The following LARP7 variants were observed in gnomAD, a reference collection of about 807,000 sequenced individuals.
The protein encoded by LARP7 is La ribonucleoprotein 7, transcriptional regulator.
In LARP7, 52 loss-of-function variants were observed where a neutral mutation model predicts 69.3. The observed-to-expected ratio is 0.75, with a 90% confidence interval of 0.60 to 0.95. The LOEUF is 0.95. Among genes scored for constraint, LARP7 ranks in the 40% least tolerant of loss-of-function variants. The pLI is 0.00. For missense variants in LARP7, 733 were observed against 673.0 expected (o/e 1.09, Z -0.99); for synonymous variants, 254 against 215.9 (o/e 1.18, Z -1.55).
At chr4:112,651,310 G>T (rs770872070) in intron 10 of LARP7, among the ~76,000 whole-genome samples, 1 of 152,102 alleles carries the variant, frequency 6.6e-6, no homozygotes, top group African/African-American at 2.4e-5. Context: ...CCATTGAGGT[G>T]GTGGTTTGTT....
chr4:112,647,000 A>C, intron 5 of LARP7, 34 bp from the exon 6 acceptor site: 1 of 1,581,904 alleles, frequency 6.3e-7, no homozygotes, highest in South Asian at 1.2e-5. Context: ...AAAGAAAACA[A>C]GTATTAAAAT....
At chr4:112,652,993 T>A (rs1457210076) in intron 10 of LARP7, 84 bp from the exon 11 acceptor site, 2 of 1,022,036 alleles carry the variant, frequency 2.0e-6, no homozygotes, top group Non-Finnish European at 2.8e-6. Flanking sequence ...ACATAATATA[T>A]TCTGGCATAA....
chr4:112,652,261 C>G (rs1396777188), intron 10 of LARP7, among the ~76,000 whole-genome samples: 1 of 144,824 alleles, frequency 6.9e-6, no homozygotes, highest in Non-Finnish European at 1.5e-5. Context: ...AATTTTAGGT[C>G]AAAACGAAAG....
intron 12 of LARP7, chr4:112,654,422 T>G: frequency 3.4e-6 from 1 of 296,134 alleles, no homozygotes; most frequent in Non-Finnish European, 6.4e-6. Context: ...TTAACAGTCT[T>G]GATATCTGGC....
At chr4:112,648,155 AAT>A (rs1370417202) in intron 8 of LARP7, 1 of 519,094 alleles carries the variant, frequency 1.9e-6, no homozygotes, top group Non-Finnish European at 3.9e-6. Flanking sequence ...TTTCTAAAAA[AAT>A]AATAAAAATG....
In LARP7 at chr4:112,644,581, C is replaced by T. The variant is rs576513581; in HGVS notation, c.-2-87C>T. 2.7e-6 allele frequency: 3 copies of T among 1,108,270 alleles called. No individual in the cohort carries two copies. In the South Asian group the frequency reaches 5.8e-5, roughly 22 times the overall value. 68.7% of individuals were successfully genotyped at this position (1,108,270 alleles called of 1,614,324 possible). On this transcript the variant is annotated intron_variant, in intron 1 of 12. Transcript: ENST00000344442. Reference sequence around the variant, plus strand: ...GCCAAATGTGAGTCCATTATTCTCTCAGACAGTTAAAGGCTAATCTAAATA... The same window carrying T: ...GCCAAATGTGAGTCCATTATTCTCTTAGACAGTTAAAGGCTAATCTAAATA...
At chr4:112,645,250 T>C (rs2048134439) in intron 2 of LARP7, among the ~76,000 whole-genome samples, 2 of 152,080 alleles carry the variant, frequency 1.3e-5, no homozygotes, top group African/African-American at 4.8e-5. Flanking sequence ...CAGCCTAAAA[T>C]AGTATATTCT....
rs983509124 is a variant in LARP7, at chr4:112,646,658, G to A, written c.374G>A (p.Arg125His). 6.2e-6 allele frequency: 10 copies of A among 1,604,946 alleles called. No homozygotes were observed. The highest frequency in any genetic ancestry group is 1.1e-5 in the South Asian group (1 of 89,434). ...LGERPKDEDE[R>H]TVYVELLPKN... ...GAAAGACCAAAGGATGAGGATGAAC[G>A]CACAGTGTATGTGGTAAGCTTAAGA... is the stretch of plus-strand genomic sequence containing the variant. The change falls in exon 4 of 13, where the codon CGC becomes CAC. Residue 125 changes from arginine to histidine, a missense_variant. Arg to His is a conservative substitution (Grantham distance 29). Transcript: ENST00000344442.
Position 112,654,273 on chromosome 4 carries a change from T to C in LARP7, c.1668+114T>C, listed in dbSNP as rs7695740. 5.9e-6 allele frequency: 4 copies of C among 676,572 alleles called. No homozygotes were observed. In the East Asian group the frequency reaches 1.1e-4, roughly 18 times the overall value. The allele number at this position is 676,572 out of a possible 1,614,324, so 41.9% of individuals were successfully genotyped here. On this transcript the variant is annotated intron_variant, in intron 12 of 12. Coordinates refer to ENST00000344442, the MANE Select transcript of LARP7 (RefSeq NM_016648.4). ...AGTTTTGCTATTACCTAACAAAAAT[T>C]TACTGAGTATATACTATGTTTTAGG... is the stretch of plus-strand genomic sequence containing the variant.
In LARP7 at chr4:112,647,115, T is replaced by G; in HGVS notation, c.634T>G (p.Leu212Val). 6.2e-7 allele frequency: 1 copy of G among 1,607,752 alleles called. No individual in the cohort carries two copies. The highest frequency in any genetic ancestry group is 8.5e-7 in the Non-Finnish European group (1 of 1,178,650). ...AGTGAAAAATAAGCCCATTCCAGCC[T>G]TAAGAGTTGTGGGTGAGTATTTTTC... ...KTVKNKPIPALRVVEEKKKKK... is the reference protein window; with the variant it reads ...KTVKNKPIPAVRVVEEKKKKK... Residue 212 changes from leucine to valine, a missense_variant, in exon 6 of 13, where the codon TTA becomes GTA. Transcript: ENST00000344442.
chr4:112,647,027 A>G lies in LARP7; in HGVS notation c.553-7A>G, dbSNP rs1411650290. ...TATTAAAATAGTAACTTTTGCAATC[A>G]TTTCAGTTTCTTAACAACCCACCAG... is the stretch of plus-strand genomic sequence containing the variant. On this transcript the variant is annotated splice_polypyrimidine_tract_variant and splice_region_variant and intron_variant, in intron 5 of 12. Coordinates refer to ENST00000344442, the MANE Select transcript of LARP7 (RefSeq NM_016648.4). 2 of 1,594,670 alleles carry G rather than the reference A, an allele frequency of 1.3e-6. No individual in the cohort carries two copies. Among genetic ancestry groups the G allele is most frequent in the Non-Finnish European group, 1.7e-6 (2 of 1,175,122 alleles).
intron 8 of LARP7, chr4:112,648,442 A>C (rs2048490678): frequency 1.9e-6 from 1 of 534,452 alleles, no homozygotes; most frequent in African/African-American, 1.9e-5. Context: ...GATCCCTTCA[A>C]ATGAGGTTAG....
chr4:112,646,805 AAATGTT>A lies in LARP7; in HGVS notation c.406_411del (p.Val136_Asn137del). On this transcript the variant is annotated inframe_deletion, in exon 5 of 13. Coordinates refer to ENST00000344442, the MANE Select transcript of LARP7 (RefSeq NM_016648.4). Reference sequence around the variant, plus strand: ...ATTTATAATAGGAGTTACTTCCCAAAAATGTTAATCACAGCTGGATTGAAAGAGTAT... The same window carrying A: ...ATTTATAATAGGAGTTACTTCCCAAAAATCACAGCTGGATTGAAAGAGTAT... The A allele has an allele frequency of 1.3e-6, 2 of 1,586,442 alleles. No individual in the cohort carries two copies. The highest frequency in any genetic ancestry group is 1.7e-6 in the Non-Finnish European group (2 of 1,172,644).
chr4:112,646,251 T>C, intron 2 of LARP7, 100 bp from the exon 3 acceptor site: 1 of 591,200 alleles, frequency 1.7e-6, no homozygotes, highest in Non-Finnish European at 3.0e-6. Flanking sequence ...ATTACAGGCA[T>C]GAGCCACCGA....
chr4:112,640,778 G>A (rs1467306299), intron 1 of LARP7, among the ~76,000 whole-genome samples: 2 of 152,220 alleles, frequency 1.3e-5, no homozygotes, highest in East Asian at 3.8e-4. Flanking sequence ...GACTGAGGCA[G>A]TGGACGGAGT....
At chr4:112,654,248 A>G in intron 12 of LARP7, 89 bp downstream of exon 12, 2 of 913,924 alleles carry the variant, frequency 2.2e-6, no homozygotes, top group South Asian at 1.5e-5. Context: ...AAATGATCGT[A>G]GTTTTGCTAT....
intron 1 of LARP7, among the ~76,000 whole-genome samples, chr4:112,640,596 A>C (rs2047922238): frequency 6.6e-6 from 1 of 152,220 alleles, no homozygotes. Flanking sequence ...GCTACTTAGG[A>C]GGCTGAGGCA....
chr4:112,652,996 TG>T, intron 10 of LARP7, 80 bp from the exon 11 acceptor site: 1 of 1,043,440 alleles, frequency 9.6e-7, no homozygotes, highest in Non-Finnish European at 1.3e-6. Flanking sequence ...TAATATATTC[TG>T]GCATAACCAT....
chr4:112,650,692 C>T, intron 10 of LARP7, 110 bp downstream of exon 10: 2 of 1,212,374 alleles, frequency 1.6e-6, no homozygotes, highest in Non-Finnish European at 2.3e-6. Flanking sequence ...GAATTTGTTT[C>T]CCTATGGTAA....
Sources: allele counts gnomAD v4.1 joint callset (sites outside exome capture counted in the v4.1 genomes callset), GRCh38; gene constraint gnomAD v4.1.1; transcripts MANE v1.5; gene names NCBI Gene and HGNC (gene_info 2026-07-23, HGNC 2026-07-21).